Variants in CPLANE1 observed in about 807,000 individuals in gnomAD.
The protein encoded by CPLANE1 is ciliogenesis and planar polarity effector complex subunit 1.
In CPLANE1, 263 loss-of-function variants were observed where a neutral mutation model predicts 362.5. The ratio of observed to expected loss-of-function variants is 0.73; its 90% CI spans 0.66 to 0.80. CPLANE1 has a LOEUF of 0.80. CPLANE1 is among the 30% of genes least tolerant of loss of function. CPLANE1 has a pLI of 0.00. For synonymous variants in CPLANE1, 1,212 were observed against 1,302.6 expected, an observed-to-expected ratio of 0.93 and a Z score of 1.50; for missense variants, 3,461 against 3,793.4, an observed-to-expected ratio of 0.91 and a Z score of 2.30.
At position 37,187,486 on chromosome 5, in the gene CPLANE1, C is replaced by A; in HGVS notation, c.4008G>T (p.Arg1336=). ...GAATAAGTTCTTCCATATTAAAAAA[C>A]CGAGAGAAAGGCAGCATTCTATAAG... is the stretch of plus-strand genomic sequence containing the variant. ...EWAYRMLPFS[R]FFNMEELIQD... is the part of the protein sequence containing the mutation. Residue 1336 remains arginine, a synonymous_variant, in exon 23 of 53, where the codon CGG becomes CGT. Transcript: ENST00000651892. 1 of 1,613,736 alleles carries A rather than the reference C, an allele frequency of 6.2e-7. No homozygotes were observed. The highest frequency in any genetic ancestry group is 8.5e-7 in the Non-Finnish European group (1 of 1,179,776).
chr5:37,173,311 T>C (rs567613091), intron 32 of CPLANE1, among the ~76,000 whole-genome samples: 1 of 152,312 alleles, frequency 6.6e-6, no homozygotes, highest in African/African-American at 2.4e-5. Context: ...TTGGATACTT[T>C]TGAGTAGGAG....
intron 15 of CPLANE1, among the ~76,000 whole-genome samples, chr5:37,220,505 C>T (rs1032441887): frequency 2.0e-5 from 3 of 151,964 alleles, no homozygotes; most frequent in Non-Finnish European, 2.9e-5. Context: ...AATCCAGATA[C>T]TCTGCAATCT....
chr5:37,169,459 G>A lies in CPLANE1; in HGVS notation c.6565C>T (p.Pro2189Ser), dbSNP rs750344707. ...SQNLPSTSFY[P>S]APAGNTHLYL... ...AGGTGAGTATTTCCAGCAGGAGCTG[G>A]ATAAAACGAAGTGGATGGTAAGTTT... Residue 2189 changes from proline (P) to serine (S), a missense_variant, in exon 34 of 53, where the codon CCA (proline) becomes TCA (serine). By Grantham distance (74) the Pro-to-Ser change is moderately conservative. Coordinates refer to ENST00000651892, the MANE Select transcript of CPLANE1 (RefSeq NM_001384732.1). 1.2e-6 allele frequency: 2 copies of A among 1,614,196 alleles called. No individual in the cohort carries two copies. The highest frequency in any genetic ancestry group is 1.7e-6 in the Non-Finnish European group (2 of 1,180,030).
At chr5:37,115,099 TTA>T (rs934796987) in intron 50 of CPLANE1, 50 bp from the exon 51 acceptor site, 1 of 1,168,396 alleles carries the variant, frequency 8.6e-7, no homozygotes, top group Admixed American at 1.8e-5. Flanking sequence ...TCCATGATTT[TTA>T]TATATATTGT....
chr5:37,229,892 T>TA (rs1797321979), intron 9 of CPLANE1, among the ~76,000 whole-genome samples: 1 of 151,932 alleles, frequency 6.6e-6, no homozygotes, highest in South Asian at 2.1e-4. Context: ...TTTTTAAAAA[T>TA]AAAAAAATTG....
At chr5:37,201,923 G>A in intron 18 of CPLANE1, 115 bp from the exon 19 acceptor site, 1 of 667,692 alleles carries the variant, frequency 1.5e-6, no homozygotes, top group Non-Finnish European at 2.5e-6. Context: ...GAACACATTG[G>A]TTGACATACA....
Position 37,183,501 on chromosome 5 carries a change from G to GT in CPLANE1, c.4679dup (p.Tyr1560Ter). 1 of 1,613,490 alleles carries GT rather than the reference G, an allele frequency of 6.2e-7. No homozygotes were observed. The highest frequency in any genetic ancestry group is 8.5e-7 in the Non-Finnish European group (1 of 1,179,558). ...YIKFLDLFLS[Y>*]ILERDLPYSR... The stretch of plus-strand genomic sequence containing the variant: ...AATAAGGTAGGTCTCTTTCAAGAAT[G>GT]TAACTCAAAAACAGATCAAGGAATT... The change falls in exon 26 of 53, where the codon TAC becomes TAAC. Residue 1560 changes from tyrosine (Y) to a stop codon, truncating the protein, a stop_gained and frameshift_variant. Transcript: ENST00000651892.
intron 44 of CPLANE1, chr5:37,141,411 T>C (rs1016724883): frequency 4.0e-5 from 39 of 985,296 alleles, no homozygotes; most frequent in Non-Finnish European, 4.5e-5. Flanking sequence ...AGATGCTTTA[T>C]ATATGATACT....
intron 51 of CPLANE1, among the ~76,000 whole-genome samples, chr5:37,111,396 T>C (rs1759274921): frequency 6.6e-6 from 1 of 150,986 alleles, no homozygotes; most frequent in Middle Eastern, 3.2e-3. Context: ...AGTGCTGGGA[T>C]TGTACAGGCG....
intron 16 of CPLANE1, chr5:37,210,058 T>C (rs1365958269): frequency 2.5e-6 from 2 of 802,402 alleles, no homozygotes; most frequent in African/African-American, 3.5e-5. Context: ...AAAATTAAAA[T>C]GGAAGCAAAA....
chr5:37,248,440 G>C (rs770423317), intron 1 of CPLANE1, among the ~76,000 whole-genome samples: 4 of 152,172 alleles, frequency 2.6e-5, no homozygotes, highest in Admixed American at 6.5e-5. Context: ...AAATTAGATG[G>C]GCTTGTTTTT....
At chr5:37,221,674 T>C (rs1795382723) in intron 14 of CPLANE1, among the ~76,000 whole-genome samples, 186 bp from the exon 15 acceptor site, 1 of 152,064 alleles carries the variant, frequency 6.6e-6, no homozygotes, top group African/African-American at 2.4e-5. Context: ...TCTGGGTACA[T>C]TACATCCCCA....
At chr5:37,148,299 A>G in intron 42 of CPLANE1, 31 bp from the exon 43 acceptor site, 1 of 1,415,072 alleles carries the variant, frequency 7.1e-7, no homozygotes, top group Non-Finnish European at 9.9e-7. Context: ...ACAAAACAAC[A>G]GTAATACTTT....
Position 37,154,454 on chromosome 5 carries a change from T to C in CPLANE1, c.8120-461A>G, listed in dbSNP as rs928937702. Reference sequence around the variant, plus strand: ...GTTGATTCTTCTCCCAAATTTGCAATAGTTCTTTTTTTTTTTTTTTTTTTT... The same window carrying C: ...GTTGATTCTTCTCCCAAATTTGCAACAGTTCTTTTTTTTTTTTTTTTTTTT... On this transcript the variant is annotated intron_variant, in intron 41 of 52. Transcript: ENST00000651892. Among the ~76,000 whole-genome samples the C allele has an allele frequency of 3.6e-5, 5 of 140,184 alleles. No individual in the cohort carries two copies. In the South Asian group the frequency reaches 1.1e-3, roughly 31 times the overall value. 92.0% of individuals were successfully genotyped at this position (140,184 alleles called of 152,430 possible).
chr5:37,226,674 G>T lies in CPLANE1; in HGVS notation c.1921C>A (p.His641Asn). 3.9e-6 allele frequency: 6 copies of T among 1,550,876 alleles called. 1 individual carries two copies. The highest frequency in any genetic ancestry group is 5.2e-6 in the Non-Finnish European group (6 of 1,146,690). Residue 641 changes from histidine to asparagine, a missense_variant, in exon 12 of 53, where the codon CAT (histidine) becomes AAT (asparagine). Physicochemically the swap from His to Asn is moderately conservative, Grantham distance 68. This residue lies in a region of CPLANE1 where 3,380 missense variants were observed against 3,666.1 expected (regional missense o/e 0.92). Transcript: ENST00000651892. The part of the protein sequence containing the change: ...AWILCIFQLF[H>N]QCLSIHYWDI... ...CAATAATGGATTGATAAACACTGAT[G>T]AAAAAGTTGAAAGATACAAAGTATC... is the stretch of plus-strand genomic sequence containing the variant.
In CPLANE1 at chr5:37,173,865, GT is replaced by G; in HGVS notation, c.6060del (p.Pro2021LeufsTer35). On this transcript the variant is annotated frameshift_variant, in exon 32 of 53. Coordinates refer to ENST00000651892, the MANE Select transcript of CPLANE1 (RefSeq NM_001384732.1). LOFTEE classifies it high-confidence loss of function. Reference protein sequence around the residue: ...ISNGVNVASQPPAPTPQKTQR... With the variant: ...ISNGVNVASQXPAPTPQKTQR... ...TGGGTCTTCTGAGGTGTTGGAGCAG[GT>G]GGTTGTGAAGCAACATTGACTCCAT... 1 of 1,614,162 alleles carries G rather than the reference GT, an allele frequency of 6.2e-7. No homozygotes were observed.
chr5:37,226,241 G>T, intron 12 of CPLANE1, 63 bp downstream of exon 12: 1 of 1,100,218 alleles, frequency 9.1e-7, no homozygotes, highest in Non-Finnish European at 1.2e-6. Flanking sequence ...TTGTAGCTCA[G>T]TTTCTAAAAA....
downstream of CPLANE1, among the ~76,000 whole-genome samples, chr5:37,105,491 C>T (rs866284593): frequency 3.3e-5 from 5 of 152,226 alleles, no homozygotes; most frequent in South Asian, 6.2e-4. Context: ...TGAAACTACA[C>T]CTGTATAAAT....
intron 43 of CPLANE1, among the ~76,000 whole-genome samples, chr5:37,144,749 A>C (rs1422112068): frequency 4.0e-5 from 6 of 150,392 alleles, no homozygotes; most frequent in Non-Finnish European, 4.4e-5. Flanking sequence ...TACTCAGGAG[A>C]CTGAGGCAGG....
Sources: gnomAD v4.1 joint callset for allele counts (sites outside exome capture counted in the v4.1 genomes callset) on GRCh38, gnomAD v4.1.1 for gene constraint, gnomAD v4.1.1 regional missense constraint, MANE v1.5 for transcripts, NCBI Gene and HGNC (gene_info 2026-07-23, HGNC 2026-07-21) for gene names.